The following TFAP2D variants were observed in gnomAD, a reference collection of about 807,000 sequenced individuals.
The protein encoded by TFAP2D is transcription factor AP-2-delta.
TFAP2D carries 9 observed loss-of-function variants against 43.6 expected under a neutral mutation model. The ratio of observed to expected loss-of-function variants is 0.21; its 90% confidence interval spans 0.12 to 0.36. The LOEUF is 0.36. Among genes scored for constraint, TFAP2D ranks in the 10% least tolerant of loss-of-function variants. The pLI is 1.00. For missense variants in TFAP2D, 513 were observed against 561.4 expected, an observed-to-expected ratio of 0.91 and a Z score of 0.87; for synonymous variants, 256 against 224.9, an observed-to-expected ratio of 1.14 and a Z score of -1.24.
In TFAP2D at chr6:50,715,747, TCTCA is replaced by T. The variant is rs1459679971; in HGVS notation, c.537+136_537+139del. 7.7e-4 allele frequency: 382 copies of T among 497,888 alleles called. 1 individual carries two copies. The highest frequency in any genetic ancestry group is 3.7e-3 in the Admixed American group (94 of 25,576). 30.8% of individuals were successfully genotyped at this position (497,888 alleles called of 1,614,324 possible). On this transcript the variant is annotated intron_variant, in intron 2 of 7. Coordinates refer to ENST00000008391, the MANE Select transcript of TFAP2D (RefSeq NM_172238.4). The stretch of plus-strand genomic sequence containing the variant: ...CTCTCTCTCTCTCTCTCTCTCTCTC[TCTCA>T]CACACACACACACACACACACACAC...
chr6:50,750,479 G>C (rs542854982), intron 6 of TFAP2D, among the ~76,000 whole-genome samples: 1 of 151,948 alleles, frequency 6.6e-6, no homozygotes. Flanking sequence ...TTTGTATAGT[G>C]TATTCTGCTT....
At chr6:50,750,539 C>A (rs994203326) in intron 6 of TFAP2D, among the ~76,000 whole-genome samples, 2 of 151,898 alleles carry the variant, frequency 1.3e-5, no homozygotes, top group Non-Finnish European at 2.9e-5. Context: ...TTTACTGTTA[C>A]ATTGTAACAC....
At chr6:50,752,212 T>C (rs1344853023) in intron 7 of TFAP2D, among the ~76,000 whole-genome samples, 1 of 152,040 alleles carries the variant, frequency 6.6e-6, no homozygotes, top group South Asian at 2.1e-4. Context: ...ACTTAAAGTA[T>C]AATAATAATA....
chr6:50,722,537 G>A (rs1037942913), intron 3 of TFAP2D, among the ~76,000 whole-genome samples: 1 of 151,648 alleles, frequency 6.6e-6, no homozygotes, highest in Non-Finnish European at 1.5e-5. Context: ...AATCTTCTGA[G>A]GCTCCCTTAT....
At chr6:50,764,612 G>T (rs954837959) in intron 7 of TFAP2D, among the ~76,000 whole-genome samples, 2 of 152,114 alleles carry the variant, frequency 1.3e-5, no homozygotes, top group Admixed American at 1.3e-4. Flanking sequence ...AAATAAAACT[G>T]TTTAAGGAAA....
chr6:50,770,987 G>A (rs774559732), intron 7 of TFAP2D, among the ~76,000 whole-genome samples: 6 of 152,090 alleles, frequency 3.9e-5, no homozygotes, highest in East Asian at 3.9e-4. Flanking sequence ...GTGTCACTTC[G>A]GGACAGTTAA....
At chr6:50,743,998 A>C (rs1420398931) in intron 5 of TFAP2D, among the ~76,000 whole-genome samples, 1 of 152,164 alleles carries the variant, frequency 6.6e-6, no homozygotes, top group East Asian at 1.9e-4. Context: ...GCCTTGAATA[A>C]GGTAGGTGAG....
Position 50,715,537 on chromosome 6 carries a change from A to T in TFAP2D, c.461A>T (p.Tyr154Phe). The T allele has an allele frequency of 6.2e-7, 1 of 1,612,052 alleles. No homozygotes were observed. Residue 154 changes from tyrosine (Y) to phenylalanine (F), a missense_variant, in exon 2 of 8, where the codon TAT (tyrosine) becomes TTT (phenylalanine). Transcript: ENST00000008391. ...TCCCTCATGAGCCATGGCTCTCAGT[A>T]TGGAATGCACCCAGATCAAAGACTC... ...DLSLMSHGSQ[Y>F]GMHPDQRLLP...
chr6:50,737,808 C>T (rs1423858934), intron 5 of TFAP2D, among the ~76,000 whole-genome samples: 1 of 152,058 alleles, frequency 6.6e-6, no homozygotes, highest in Non-Finnish European at 1.5e-5. Flanking sequence ...AACCAGTCCT[C>T]TTCTGAATAT....
At chr6:50,765,195 C>G (rs184591605) in intron 7 of TFAP2D, among the ~76,000 whole-genome samples, 2 of 152,142 alleles carry the variant, frequency 1.3e-5, no homozygotes. Context: ...CTTTCTGTGT[C>G]TGGGTTATTT....
intron 7 of TFAP2D, among the ~76,000 whole-genome samples, chr6:50,753,729 C>T (rs1194291542): frequency 1.3e-5 from 2 of 151,822 alleles, no homozygotes; most frequent in African/African-American, 4.8e-5. Flanking sequence ...TATTTACTTA[C>T]AATAGTATCA....
At chr6:50,761,498 C>A (rs1394327077) in intron 7 of TFAP2D, among the ~76,000 whole-genome samples, 2 of 151,976 alleles carry the variant, frequency 1.3e-5, no homozygotes, top group Non-Finnish European at 2.9e-5. Context: ...AAGAGACTTT[C>A]ATTTCCTTTA....
chr6:50,744,519 A>G (rs186445425), intron 5 of TFAP2D, among the ~76,000 whole-genome samples: 2 of 152,140 alleles, frequency 1.3e-5, no homozygotes, highest in African/African-American at 4.8e-5. Context: ...ATTGATTTTC[A>G]TCACTTAATT....
intron 2 of TFAP2D, 82 bp downstream of exon 2, chr6:50,715,695 A>G: frequency 6.9e-7 from 1 of 1,451,218 alleles, no homozygotes; most frequent in Non-Finnish European, 9.2e-7. Context: ...CCGACTGTAA[A>G]GCGTCTCTCT....
chr6:50,772,673 G>A lies in TFAP2D; in HGVS notation c.1168G>A (p.Ala390Thr), dbSNP rs200214825. The stretch of plus-strand genomic sequence containing the variant: ...GATCACTCATGGCTTTGGGACTCCG[G>A]CAATATGTGCAGCTCTAAGCACTTT... ...SLITHGFGTP[A>T]ICAALSTFQT... The change falls in exon 8 of 8, where the codon GCA becomes ACA. Residue 390 changes from alanine (A) to threonine (T), a missense_variant. Ala to Thr is a moderately conservative substitution (Grantham distance 58). Coordinates refer to ENST00000008391, the MANE Select transcript of TFAP2D (RefSeq NM_172238.4). 11 of 1,613,794 alleles carry A rather than the reference G, an allele frequency of 6.8e-6. No individual in the cohort carries two copies. The highest frequency in any genetic ancestry group is 8.5e-7 in the Non-Finnish European group (1 of 1,179,944).
intron 3 of TFAP2D, among the ~76,000 whole-genome samples, chr6:50,725,009 T>C (rs1353722858): frequency 6.6e-6 from 1 of 152,116 alleles, no homozygotes; most frequent in African/African-American, 2.4e-5. Context: ...TCGCCCAAAG[T>C]TGCGTGAGTC....
intron 1 of TFAP2D, 58 bp from the exon 2 acceptor site, chr6:50,715,058 T>G (rs1768593569): frequency 6.4e-7 from 1 of 1,569,246 alleles, no homozygotes; most frequent in Non-Finnish European, 8.7e-7. Flanking sequence ...GGCGCCTTGG[T>G]TGCAAAATGA....
At chr6:50,767,998 C>G (rs1769467600) in intron 7 of TFAP2D, among the ~76,000 whole-genome samples, 1 of 152,156 alleles carries the variant, frequency 6.6e-6, no homozygotes, top group Non-Finnish European at 1.5e-5. Context: ...TTTTGACTGC[C>G]TATTTCAAAC....
chr6:50,735,062 AT>A (rs1443801853), intron 5 of TFAP2D, among the ~76,000 whole-genome samples: 1 of 152,160 alleles, frequency 6.6e-6, no homozygotes, highest in East Asian at 1.9e-4. Context: ...GTGTTAAAAA[AT>A]AACACCCTTC....
Sources: allele counts gnomAD v4.1 joint callset (sites outside exome capture counted in the v4.1 genomes callset), GRCh38; gene constraint gnomAD v4.1.1; transcripts MANE v1.5; gene names NCBI Gene and HGNC (gene_info 2026-07-23, HGNC 2026-07-21).